Variants in SORCS1 observed in about 807,000 individuals in gnomAD.
SORCS1 encodes sortilin related VPS10 domain containing receptor 1, also known as VPS10 domain-containing receptor SorCS1.
A neutral mutation model predicts 146.1 loss-of-function variants in SORCS1; 60 were observed. That is an observed-to-expected ratio of 0.41 (90% CI 0.33 to 0.51). SORCS1 has a LOEUF of 0.51. Ranked by LOEUF, SORCS1 falls within the 20% of genes least tolerant of loss-of-function variation. The pLI is 0.21. For missense variants in SORCS1, 1,352 were observed against 1,487.6 expected, an observed-to-expected ratio of 0.91 and a Z score of 1.50; for synonymous variants, 637 against 584.0, an observed-to-expected ratio of 1.09 and a Z score of -1.31.
chr10:106,806,751 G>C (rs1041753394), intron 3 of SORCS1, among the ~76,000 whole-genome samples: 3 of 151,796 alleles, frequency 2.0e-5, no homozygotes, highest in Non-Finnish European at 2.9e-5. Context: ...TCCTGACCTC[G>C]TGATCAGCCC....
chr10:106,755,282 G>T (rs1447137161), intron 5 of SORCS1, among the ~76,000 whole-genome samples: 1 of 152,198 alleles, frequency 6.6e-6, no homozygotes, highest in Non-Finnish European at 1.5e-5. Context: ...AGGATGAGAA[G>T]GGAGTAAGTC....
chr10:106,658,420 T>A (rs1037400027), intron 17 of SORCS1, among the ~76,000 whole-genome samples: 2 of 152,080 alleles, frequency 1.3e-5, no homozygotes, highest in African/African-American at 4.8e-5. Context: ...GAACTCTAGG[T>A]CTTCTTGTAC....
intron 1 of SORCS1, among the ~76,000 whole-genome samples, chr10:107,144,611 G>C (rs1968144561): frequency 1.3e-5 from 2 of 152,212 alleles, no homozygotes; most frequent in Non-Finnish European, 2.9e-5. Flanking sequence ...GCTGGCCTCT[G>C]CCAAACAAAC....
chr10:106,856,006 G>A (rs180695171), intron 2 of SORCS1, among the ~76,000 whole-genome samples: 1 of 150,772 alleles, frequency 6.6e-6, no homozygotes, highest in Non-Finnish European at 1.5e-5. Context: ...GTAATACGGG[G>A]AAGCGAAGAG....
intron 2 of SORCS1, among the ~76,000 whole-genome samples, chr10:106,856,469 C>A (rs1302695437): frequency 6.6e-6 from 1 of 152,238 alleles, no homozygotes; most frequent in African/African-American, 2.4e-5. Flanking sequence ...GTTGCAGTTG[C>A]TTATTTCCCT....
chr10:107,101,749 A>G (rs906241091), intron 1 of SORCS1, among the ~76,000 whole-genome samples: 2 of 147,246 alleles, frequency 1.4e-5, no homozygotes, highest in Non-Finnish European at 1.5e-5. Flanking sequence ...TGGGCTAATT[A>G]TGTGTGTGTG....
intron 2 of SORCS1, among the ~76,000 whole-genome samples, chr10:106,866,253 CACCACCA>C (rs1444473357): frequency 6.6e-6 from 1 of 152,148 alleles, no homozygotes; most frequent in Non-Finnish European, 1.5e-5. Context: ...GCCTTATCCA[CACCACCA>C]ACAAGCTGCA....
intron 2 of SORCS1, among the ~76,000 whole-genome samples, chr10:106,952,170 ACTCAT>A (rs1253199662): frequency 2.0e-5 from 3 of 151,958 alleles, no homozygotes; most frequent in Admixed American, 2.0e-4. Context: ...TGGATTTGAG[ACTCAT>A]CTCCCATCTC....
intron 2 of SORCS1, among the ~76,000 whole-genome samples, chr10:106,866,136 T>G (rs2137509736): frequency 6.6e-6 from 1 of 152,046 alleles, no homozygotes; most frequent in African/African-American, 2.4e-5. Flanking sequence ...GCTCTGTAAC[T>G]TCCTGGACAG....
At chr10:106,887,514 T>G (rs1045093482) in intron 2 of SORCS1, among the ~76,000 whole-genome samples, 1 of 151,992 alleles carries the variant, frequency 6.6e-6, no homozygotes, top group Non-Finnish European at 1.5e-5. Context: ...GAGGCAGAGG[T>G]TGCAGTGAGC....
chr10:107,165,292 A>AGTGT (rs3982278), upstream of SORCS1, among the ~76,000 whole-genome samples: 13,811 of 142,660 alleles, frequency 0.097, 850 homozygotes, highest in East Asian at 0.24. This position sits in a 1 kb window ranked among gnomAD's most constrained non-coding sequence, Gnocchi z 4.0. Flanking sequence ...CTCGTGTGTG[A>AGTGT]GTGTGTGTGT....
chr10:107,153,988 CA>C (rs1250859147), intron 1 of SORCS1, among the ~76,000 whole-genome samples: 1 of 149,284 alleles, frequency 6.7e-6, no homozygotes, highest in Non-Finnish European at 1.5e-5. Flanking sequence ...TTACTATTTC[CA>C]GTATATTTCT....
At chr10:106,768,700 T>G (rs188679377) in intron 4 of SORCS1, among the ~76,000 whole-genome samples, 3 of 152,230 alleles carry the variant, frequency 2.0e-5, no homozygotes, top group Admixed American at 6.5e-5. Flanking sequence ...AAAGTGCCTG[T>G]AGCTCTGCGT....
At chr10:107,124,291 A>C (rs2134570443) in intron 1 of SORCS1, among the ~76,000 whole-genome samples, 1 of 152,194 alleles carries the variant, frequency 6.6e-6, no homozygotes, top group South Asian at 2.1e-4. Flanking sequence ...CTCGTTCCAA[A>C]ATTAGGTCCT....
intron 1 of SORCS1, among the ~76,000 whole-genome samples, chr10:106,979,519 A>C (rs1025335712): frequency 6.6e-6 from 1 of 152,218 alleles, no homozygotes; most frequent in African/African-American, 2.4e-5. Context: ...CTCAGTTCTC[A>C]GCATTGAAAA....
At chr10:106,591,956 AC>A (rs1422195814) in intron 24 of SORCS1, among the ~76,000 whole-genome samples, 14 of 152,204 alleles carry the variant, frequency 9.2e-5, no homozygotes, top group African/African-American at 3.1e-4. Context: ...CCAGTCTAAC[AC>A]TAGCTTGACT....
intron 1 of SORCS1, among the ~76,000 whole-genome samples, chr10:107,112,779 GA>G (rs1965779248): frequency 6.6e-6 from 1 of 152,184 alleles, no homozygotes; most frequent in South Asian, 2.1e-4. Flanking sequence ...TCTGTTAGAA[GA>G]GACAAAAAAG....
chr10:106,962,326 T>C (rs541874173), intron 1 of SORCS1, among the ~76,000 whole-genome samples: 2 of 128,046 alleles, frequency 1.6e-5, no homozygotes, highest in African/African-American at 6.1e-5. Context: ...ACCTGGGAGG[T>C]AGAGGTTGTG....
chr10:107,032,637 A>G (rs899274518), intron 1 of SORCS1, among the ~76,000 whole-genome samples: 1 of 152,156 alleles, frequency 6.6e-6, no homozygotes, highest in Non-Finnish European at 1.5e-5. Context: ...TTGTTGCCCT[A>G]TGGATATGTG....
Sources: allele counts gnomAD v4.1 joint callset (sites outside exome capture counted in the v4.1 genomes callset), GRCh38; gene constraint gnomAD v4.1.1; non-coding constraint Gnocchi (gnomAD v3.1); transcripts MANE v1.5; gene names NCBI Gene and HGNC (gene_info 2026-07-23, HGNC 2026-07-21).